Variants in CAMLG observed in about 807,000 individuals in gnomAD.
The protein encoded by CAMLG is calcium modulating ligand, also known as guided entry of tail-anchored proteins factor CAMLG.
A neutral mutation model predicts 28.9 loss-of-function variants in CAMLG; 23 were observed. That is an observed-to-expected ratio of 0.80 (90% CI 0.57 to 1.13). The LOEUF is 1.13. CAMLG is among the 50% of genes most tolerant of loss of function. The pLI is 0.00. For missense variants in CAMLG, 367 were observed against 371.9 expected, an observed-to-expected ratio of 0.99 and a Z score of 0.11; for synonymous variants, 141 against 146.5, an observed-to-expected ratio of 0.96 and a Z score of 0.27.
chr5:134,747,085 CAAAAA>C (rs1753057884), intron 3 of CAMLG, among the ~76,000 whole-genome samples: 1 of 152,004 alleles, frequency 6.6e-6, no homozygotes, highest in African/African-American at 2.4e-5. Context: ...GACTCCATCT[CAAAAA>C]TAAATAAACA....
chr5:134,744,527 C>CAAAAAAAAAAA (rs751658223), intron 3 of CAMLG, among the ~76,000 whole-genome samples: 15 of 60,628 alleles, frequency 2.5e-4, no homozygotes, highest in East Asian at 1.7e-3. Flanking sequence ...ACTCTGTCTC[C>CAAAAAAAAAAA]AAAAAAAAAA....
In CAMLG at chr5:134,738,686, G is replaced by A; in HGVS notation, c.66G>A (p.Leu22=). Residue 22 remains leucine (L), a synonymous_variant, in exon 1 of 4, where the codon CTG becomes CTA. Transcript: ENST00000297156. ...CGGGGGTCCCAGCGGGCTCAGGTCT[G>A]TCGGCTTCCCAGCGTCGGGCGGAGC... ...ERPGVPAGSG[L]SASQRRAELR... 6.2e-7 allele frequency: 1 copy of A among 1,614,016 alleles called. No homozygotes were observed. The highest frequency in any genetic ancestry group is 8.5e-7 in the Non-Finnish European group (1 of 1,179,958).
chr5:134,745,569 T>A (rs990842286), intron 3 of CAMLG, among the ~76,000 whole-genome samples: 1 of 151,154 alleles, frequency 6.6e-6, no homozygotes, highest in African/African-American at 2.4e-5. Flanking sequence ...CTGGCCAACA[T>A]GGCGAAACCC....
intron 1 of CAMLG, among the ~76,000 whole-genome samples, chr5:134,740,507 C>T (rs1402467007): frequency 6.6e-6 from 1 of 152,180 alleles, no homozygotes; most frequent in South Asian, 2.1e-4. Flanking sequence ...CTAATCTTAT[C>T]TCCTACCCAC....
chr5:134,746,494 G>T (rs1315863894), intron 3 of CAMLG, among the ~76,000 whole-genome samples: 1 of 151,828 alleles, frequency 6.6e-6, no homozygotes, highest in South Asian at 2.1e-4. Context: ...TTGCTTGTTT[G>T]TTTTTGAGAC....
intron 2 of CAMLG, 25 bp from the exon 3 acceptor site, chr5:134,743,962 T>C: frequency 9.1e-7 from 1 of 1,094,658 alleles, no homozygotes; most frequent in Non-Finnish European, 1.4e-6. Context: ...TTGGAAATAT[T>C]TAATTTTATC....
intron 1 of CAMLG, 59 bp downstream of exon 1, chr5:134,738,851 T>C (rs1486881616): frequency 6.6e-7 from 1 of 1,522,996 alleles, no homozygotes; most frequent in African/African-American, 1.4e-5. Flanking sequence ...TCAGGGTCAT[T>C]CTTCCCTCTC....
chr5:134,741,655 AT>A, intron 2 of CAMLG, 132 bp downstream of exon 2: 1 of 644,210 alleles, frequency 1.6e-6, no homozygotes, highest in Non-Finnish European at 2.7e-6. Flanking sequence ...GTTTGAAGAT[AT>A]ATTATTAACT....
In CAMLG at chr5:134,752,074, G is replaced by A. The variant is rs1017398088; in HGVS notation, c.*1124G>A. 9 of 152,090 alleles carry A rather than the reference G, an allele frequency of 5.9e-5. No individual in the cohort carries two copies. Among genetic ancestry groups the A allele is most frequent in the Admixed American group, 2.6e-4 (4 of 15,256 alleles). The allele number at this position is 152,090 out of a possible 1,614,324, so 9.4% of individuals were successfully genotyped here. A position where few individuals can be genotyped will look rare whatever the true frequency, so the allele number is the denominator to read the frequency against. ...TAAGACTAAAGTGTTAATGTCACTT[G>A]GTGTTACATTTCCTTACAGATTTTT... On this transcript the variant is annotated 3_prime_UTR_variant, in exon 4 of 4. Transcript: ENST00000297156.
chr5:134,739,956 G>C (rs1752963389), intron 1 of CAMLG, among the ~76,000 whole-genome samples: 1 of 152,106 alleles, frequency 6.6e-6, no homozygotes, highest in Admixed American at 6.6e-5. Context: ...GCTTACTGCA[G>C]CCTCAAACTC....
rs552000496 is a variant in CAMLG, at chr5:134,739,925, G to T, written c.172+1133G>T. ...GGGTCTCCCTCTGTAGGCCAGGCTG[G>T]AGTGCAGTGGCATGATCATAGCTTA... On this transcript the variant is annotated intron_variant, in intron 1 of 3. Coordinates refer to ENST00000297156, the MANE Select transcript of CAMLG (RefSeq NM_001745.4). Among the ~76,000 whole-genome samples the T allele has an allele frequency of 5.9e-5, 9 of 152,232 alleles. No individual in the cohort carries two copies. In the East Asian group the frequency reaches 1.7e-3, roughly 29 times the overall value.
chr5:134,748,274 C>T (rs1040984699), intron 3 of CAMLG, among the ~76,000 whole-genome samples: 28 of 150,364 alleles, frequency 1.9e-4, no homozygotes, highest in African/African-American at 6.8e-4. Context: ...AGGCCGGGTG[C>T]AGTGGTTCAC....
intron 3 of CAMLG, among the ~76,000 whole-genome samples, chr5:134,748,880 C>A (rs1753080964): frequency 6.6e-6 from 1 of 152,094 alleles, no homozygotes; most frequent in South Asian, 2.1e-4. Flanking sequence ...TTGGATAAAT[C>A]AGTAGTTAAT....
At chr5:134,747,014 G>A (rs962787036) in intron 3 of CAMLG, among the ~76,000 whole-genome samples, 1 of 151,980 alleles carries the variant, frequency 6.6e-6, no homozygotes, top group Non-Finnish European at 1.5e-5. Flanking sequence ...CTGACCCGGT[G>A]GCAGAGGTTT....
chr5:134,738,666 G>A lies in CAMLG; in HGVS notation c.46G>A (p.Val16Ile), dbSNP rs756995409. The A allele has an allele frequency of 5.6e-6, 9 of 1,613,542 alleles. No homozygotes were observed. The highest frequency in any genetic ancestry group is 1.3e-5 in the African/African-American group (1 of 75,050). Residue 16 changes from valine to isoleucine, a missense_variant, in exon 1 of 4, where the codon GTC becomes ATC. Transcript: ENST00000297156. ...VATDGGERPG[V>I]PAGSGLSASQ... The stretch of plus-strand genomic sequence containing the variant: ...TACCGACGGCGGGGAGAGGCCGGGG[G>A]TCCCAGCGGGCTCAGGTCTGTCGGC...
chr5:134,747,773 C>T (rs1167600965), intron 3 of CAMLG, among the ~76,000 whole-genome samples: 1 of 151,348 alleles, frequency 6.6e-6, no homozygotes, highest in African/African-American at 2.4e-5. Flanking sequence ...TCCCGAATAG[C>T]GGGGACTACA....
chr5:134,741,355 C>A lies in CAMLG; in HGVS notation c.465C>A (p.Tyr155Ter). Residue 155 changes from tyrosine to a stop codon, truncating the protein, a stop_gained, in exon 2 of 4, where the codon TAC becomes TAA. Coordinates refer to ENST00000297156, the MANE Select transcript of CAMLG (RefSeq NM_001745.4). LOFTEE classifies it high-confidence loss of function. ...GTTCCCGCCATGGCCTAGAGCAGTA[C>A]CTTTCCAGATTCGAAGAAGCAATGA... ...QRGSRHGLEQ[Y>*]LSRFEEAMKL... 1.2e-6 allele frequency: 2 copies of A among 1,614,168 alleles called. No individual in the cohort carries two copies. The highest frequency in any genetic ancestry group is 1.7e-6 in the Non-Finnish European group (2 of 1,180,032).
intron 3 of CAMLG, among the ~76,000 whole-genome samples, chr5:134,744,988 A>T (rs562335072): frequency 3.9e-5 from 6 of 152,126 alleles, no homozygotes; most frequent in Non-Finnish European, 8.8e-5. Flanking sequence ...AAAAATTGCT[A>T]CTTGGCTGTC....
intron 3 of CAMLG, among the ~76,000 whole-genome samples, chr5:134,748,312 C>T (rs899859895): frequency 1.3e-5 from 2 of 152,032 alleles, no homozygotes; most frequent in African/African-American, 4.8e-5. Flanking sequence ...TTTGGGAGGC[C>T]GAGATGGGCG....
Sources: gnomAD v4.1 joint callset for allele counts (sites outside exome capture counted in the v4.1 genomes callset) on GRCh38, gnomAD v4.1.1 for gene constraint, MANE v1.5 for transcripts, NCBI Gene and HGNC (gene_info 2026-07-23, HGNC 2026-07-21) for gene names.